DCLK1: variants seen among roughly 807,000 people sequenced by gnomAD.
The protein encoded by DCLK1 is doublecortin like kinase 1.
Under a neutral mutation model 86.2 loss-of-function variants are expected in DCLK1, and 16 were observed. The ratio of observed to expected loss-of-function variants is 0.19; its 90% CI spans 0.13 to 0.28. The LOEUF is 0.28. DCLK1 is among the 10% of genes least tolerant of loss of function. The probability of loss-of-function intolerance (pLI) is 1.00; values close to 1 mark genes in which losing one functional copy is unlikely to be tolerated. For synonymous variants in DCLK1, 369 were observed against 370.5 expected, an observed-to-expected ratio of 1.00 and a Z score of 0.05; for missense variants, 590 against 940.2, an observed-to-expected ratio of 0.63 and a Z score of 4.87.
At chr13:36,045,648 TCAAGAC>T (rs984087470) in intron 3 of DCLK1, among the ~76,000 whole-genome samples, 81 of 151,830 alleles carry the variant, frequency 5.3e-4, no homozygotes, top group African/African-American at 1.8e-3. Context: ...GGTCAGGAGT[TCAAGAC>T]CAGCCTGGCC....
At chr13:36,077,962 T>C (rs1178900649) in intron 3 of DCLK1, among the ~76,000 whole-genome samples, 1 of 152,182 alleles carries the variant, frequency 6.6e-6, no homozygotes, top group Non-Finnish European at 1.5e-5. Context: ...AACCAGTAAT[T>C]TAGTAAGATA....
intron 16 of DCLK1, chr13:35,788,367 G>A: frequency 8.1e-7 from 1 of 1,235,096 alleles, no homozygotes; most frequent in Non-Finnish European, 1.2e-6. Flanking sequence ...GTTCTTCATT[G>A]ATTCTATATG....
chr13:35,983,596 A>G (rs1879763801), intron 3 of DCLK1, among the ~76,000 whole-genome samples: 1 of 152,210 alleles, frequency 6.6e-6, no homozygotes, highest in African/African-American at 2.4e-5. Flanking sequence ...ACATTTTAAA[A>G]TAACTAAAAG....
intron 3 of DCLK1, among the ~76,000 whole-genome samples, chr13:35,983,367 T>G (rs1374688856): frequency 6.6e-6 from 1 of 152,154 alleles, no homozygotes; most frequent in African/African-American, 2.4e-5. Flanking sequence ...CATGTTAATC[T>G]CTGGAAAGCA....
intron 3 of DCLK1, among the ~76,000 whole-genome samples, chr13:35,974,014 C>CA (rs768212366): frequency 1.3e-4 from 19 of 150,732 alleles, no homozygotes; most frequent in Admixed American, 6.6e-4. Context: ...CATTTTTCTG[C>CA]AAAAAAATAC....
intron 5 of DCLK1, chr13:35,855,495 A>G (rs1184073963): frequency 1.2e-6 from 2 of 1,602,192 alleles, no homozygotes; most frequent in Middle Eastern, 1.7e-4. Context: ...GAGAGCAGCA[A>G]TGCATTTCAC....
chr13:35,813,728 C>A (rs1387960852), intron 11 of DCLK1, among the ~76,000 whole-genome samples: 2 of 137,822 alleles, frequency 1.5e-5, no homozygotes, highest in East Asian at 2.4e-4. Flanking sequence ...TGCCCCGCCC[C>A]GCTTTTTTTT....
At chr13:35,941,071 A>G (rs1453273300) in intron 4 of DCLK1, among the ~76,000 whole-genome samples, 1 of 152,178 alleles carries the variant, frequency 6.6e-6, no homozygotes, top group Non-Finnish European at 1.5e-5. Context: ...TTGGAGATGT[A>G]GAGACCACAC....
At chr13:36,031,279 G>GA (rs1882258869) in intron 3 of DCLK1, among the ~76,000 whole-genome samples, 1 of 150,622 alleles carries the variant, frequency 6.6e-6, no homozygotes, top group Non-Finnish European at 1.5e-5. Flanking sequence ...GCACAAAAGA[G>GA]TGATTTTTCT....
rs2087313526 is a variant in DCLK1 at position 35,818,238 on chromosome 13, C to T, written c.1554+4491G>A. Among the ~76,000 whole-genome samples, 5 of 152,142 alleles carry T rather than the reference C, an allele frequency of 3.3e-5. No homozygotes were observed. In the South Asian group the frequency reaches 6.2e-4, roughly 19 times the overall value. On this transcript the variant is annotated intron_variant, in intron 11 of 16. Coordinates refer to ENST00000360631, the MANE Select transcript of DCLK1 (RefSeq NM_001330071.2). Reference sequence around the variant, plus strand: ...TTGTCCACCAGTGCAGTTAGCTATCCTATCACCAAATGGATTTATTTGGAG... The same window carrying T: ...TTGTCCACCAGTGCAGTTAGCTATCTTATCACCAAATGGATTTATTTGGAG...
chr13:35,862,544 T>C lies in DCLK1; in HGVS notation c.941-7951A>G, dbSNP rs565016141. On this transcript the variant is annotated intron_variant, in intron 5 of 16. Transcript: ENST00000360631. ...GTTTCCAAAACTCAACTGCGATCTT[T>C]CATGGCACTGTGAAAAATCCCCTTT... Among the ~76,000 whole-genome samples, 4 of 152,314 alleles carry C rather than the reference T, an allele frequency of 2.6e-5. No homozygotes were observed. In the South Asian group the frequency reaches 8.3e-4, roughly 32 times the overall value.
chr13:36,082,122 G>A (rs1409654081), intron 3 of DCLK1, among the ~76,000 whole-genome samples: 1 of 151,988 alleles, frequency 6.6e-6, no homozygotes, highest in Non-Finnish European at 1.5e-5. Flanking sequence ...GAAATTATGA[G>A]TGTGCCTGCC....
intron 11 of DCLK1, among the ~76,000 whole-genome samples, chr13:35,821,066 CT>C (rs1398418434): frequency 6.6e-6 from 1 of 152,170 alleles, no homozygotes; most frequent in African/African-American, 2.4e-5. Flanking sequence ...GTAGTATGAG[CT>C]AAGGCTCTGG....
intron 11 of DCLK1, among the ~76,000 whole-genome samples, chr13:35,817,947 A>C (rs772237145): frequency 3.3e-5 from 5 of 152,174 alleles, no homozygotes; most frequent in Non-Finnish European, 5.9e-5. Context: ...ATTTATGTTT[A>C]TCTCTTGTTT....
chr13:35,814,811 A>G (rs912411500), intron 11 of DCLK1, among the ~76,000 whole-genome samples: 3 of 152,364 alleles, frequency 2.0e-5, no homozygotes, highest in African/African-American at 7.2e-5. Flanking sequence ...GTAATTGTAC[A>G]ACACTAATTG....
At chr13:35,927,736 TCA>T (rs1488137230) in intron 4 of DCLK1, among the ~76,000 whole-genome samples, 3 of 152,180 alleles carry the variant, frequency 2.0e-5, no homozygotes, top group Non-Finnish European at 2.9e-5. Context: ...TGGGGGCCAA[TCA>T]CACCAGAAAG....
At chr13:35,898,448 C>T (rs192845736) in intron 4 of DCLK1, among the ~76,000 whole-genome samples, 10 of 152,292 alleles carry the variant, frequency 6.6e-5, no homozygotes, top group Admixed American at 5.2e-4. Context: ...TGAGAGGAAA[C>T]ATCAGCAGTA....
At chr13:35,834,650 G>T (rs1869219818) in intron 8 of DCLK1, among the ~76,000 whole-genome samples, 2 of 152,234 alleles carry the variant, frequency 1.3e-5, no homozygotes, top group Non-Finnish European at 2.9e-5. Flanking sequence ...GAATGCAATG[G>T]ACATTTTCCA....
At chr13:35,857,911 G>A (rs954144267) in intron 5 of DCLK1, among the ~76,000 whole-genome samples, 7 of 152,206 alleles carry the variant, frequency 4.6e-5, no homozygotes, top group Non-Finnish European at 8.8e-5. Context: ...GGTTGGAGGC[G>A]GAGGAATGTC....
Sources: gnomAD v4.1 joint callset for allele counts (sites outside exome capture counted in the v4.1 genomes callset) on GRCh38, gnomAD v4.1.1 for gene constraint, MANE v1.5 for transcripts, NCBI Gene and HGNC (gene_info 2026-07-23, HGNC 2026-07-21) for gene names.